The following IL1RAPL1 variants were observed in gnomAD, a reference collection of about 807,000 sequenced individuals.
IL1RAPL1 encodes interleukin-1 receptor accessory protein-like 1.
A neutral mutation model predicts 48.4 loss-of-function variants in IL1RAPL1; 3 were observed. That is an observed-to-expected ratio of 0.06 (90% confidence interval 0.03 to 0.16). IL1RAPL1 has a LOEUF of 0.16. Among genes scored for constraint, IL1RAPL1 ranks in the 10% least tolerant of loss-of-function variants. The pLI is 1.00. For synonymous variants in IL1RAPL1, 185 were observed against 187.7 expected, an observed-to-expected ratio of 0.99 and a Z score of 0.12; for missense variants, 349 against 530.6, an observed-to-expected ratio of 0.66 and a Z score of 3.36.
At chrX:29,006,403 A>G (rs1925978332) in intron 2 of IL1RAPL1, among the ~76,000 whole-genome samples, 1 of 109,153 alleles carries the variant, frequency 9.2e-6, no homozygotes, top group Admixed American at 9.9e-5. Context: ...AATCCCAGCT[A>G]CTTGGGAGGC....
At chrX:28,830,260 G>T (rs1308735847) in intron 2 of IL1RAPL1, among the ~76,000 whole-genome samples, 1 of 111,579 alleles carries the variant, frequency 9.0e-6, no homozygotes, top group African/African-American at 3.3e-5. Flanking sequence ...GTGAGGTGTG[G>T]GAGGTTTAAA....
intron 6 of IL1RAPL1, among the ~76,000 whole-genome samples, chrX:29,704,919 A>T (rs1390493976): frequency 1.8e-5 from 2 of 110,381 alleles, no homozygotes; most frequent in Non-Finnish European, 3.8e-5. Flanking sequence ...AATTTTTTTA[A>T]TTTTTTTATT....
intron 6 of IL1RAPL1, among the ~76,000 whole-genome samples, chrX:29,843,027 C>G (rs922965368): frequency 1.8e-5 from 2 of 112,246 alleles, no homozygotes; most frequent in Non-Finnish European, 3.8e-5. Flanking sequence ...ATAAATATTT[C>G]ACTACAGATT....
chrX:29,710,687 T>C (rs1927318597), intron 6 of IL1RAPL1, among the ~76,000 whole-genome samples: 1 of 106,786 alleles, frequency 9.4e-6, no homozygotes, highest in African/African-American at 3.4e-5. Context: ...TCCCTTATTT[T>C]TGTGACATTT....
intron 3 of IL1RAPL1, among the ~76,000 whole-genome samples, chrX:29,355,381 T>C (rs1015801332): frequency 8.9e-6 from 1 of 112,117 alleles, no homozygotes; most frequent in African/African-American, 3.2e-5. Context: ...ACAAGTAGAC[T>C]ATATAACTAC....
At chrX:28,940,521 C>T (rs927566999) in intron 2 of IL1RAPL1, among the ~76,000 whole-genome samples, 1 of 110,725 alleles carries the variant, frequency 9.0e-6, no homozygotes, top group African/African-American at 3.3e-5. Context: ...ATAAAATTTC[C>T]AGCACCTTGC....
intron 6 of IL1RAPL1, among the ~76,000 whole-genome samples, chrX:29,798,818 T>C (rs147553236): frequency 2.3e-4 from 26 of 112,321 alleles, no homozygotes; most frequent in African/African-American, 7.8e-4. Flanking sequence ...TTCCTTAGAA[T>C]GCAGTTATGT....
chrX:28,723,234 T>C (rs1013854206), intron 1 of IL1RAPL1, among the ~76,000 whole-genome samples: 12 of 111,099 alleles, frequency 1.1e-4, no homozygotes, highest in Non-Finnish European at 1.9e-4. Flanking sequence ...GGACTTTTTT[T>C]GATTGGTAGG....
At chrX:29,467,392 T>C (rs912942626) in intron 5 of IL1RAPL1, among the ~76,000 whole-genome samples, 15 of 112,631 alleles carry the variant, frequency 1.3e-4, no homozygotes, top group Non-Finnish European at 2.8e-4. Context: ...AGAAAAATGG[T>C]TGACTGCATG....
At chrX:29,332,881 T>C (rs867020762) in intron 3 of IL1RAPL1, among the ~76,000 whole-genome samples, 2,981 of 100,276 alleles carry the variant, frequency 0.03, no homozygotes, top group Non-Finnish European at 0.043. Flanking sequence ...AGCATCTGTT[T>C]AACAAAGCAC....
At chrX:29,129,429 C>A (rs1048405688) in intron 2 of IL1RAPL1, among the ~76,000 whole-genome samples, 1 of 110,489 alleles carries the variant, frequency 9.1e-6, no homozygotes, top group East Asian at 2.8e-4. Context: ...CTTAAACTCA[C>A]AATTTTTTGT....
At chrX:28,659,216 T>A in intron 1 of IL1RAPL1, 1 of 754,254 alleles carries the variant, frequency 1.3e-6, no homozygotes, top group Non-Finnish European at 2.0e-6. Flanking sequence ...AGCTGCACTC[T>A]GGAAGCGCAG....
intron 1 of IL1RAPL1, among the ~76,000 whole-genome samples, chrX:28,661,181 A>G (rs1206047606): frequency 1.8e-5 from 2 of 112,111 alleles, no homozygotes; most frequent in Admixed American, 1.9e-4. Flanking sequence ...AAAATTTAAA[A>G]TACCAGCATT....
chrX:29,628,026 C>A (rs1013888628), intron 5 of IL1RAPL1, among the ~76,000 whole-genome samples: 1 of 112,300 alleles, frequency 8.9e-6, no homozygotes, highest in African/African-American at 3.2e-5. Context: ...CATGGCAATG[C>A]TTATCTGTTA....
At chrX:29,406,032 G>C (rs986394407) in intron 5 of IL1RAPL1, among the ~76,000 whole-genome samples, 1 of 111,708 alleles carries the variant, frequency 9.0e-6, no homozygotes, top group African/African-American at 3.3e-5. Flanking sequence ...CTGGTGTCCA[G>C]TGTACTGATG....
At chrX:28,622,434 G>A (rs1320911623) in intron 1 of IL1RAPL1, among the ~76,000 whole-genome samples, 1 of 111,553 alleles carries the variant, frequency 9.0e-6, no homozygotes, top group Non-Finnish European at 1.9e-5. Context: ...GGTTTTATTA[G>A]TGAATTGTTT....
At chrX:29,214,147 G>A (rs959393977) in intron 2 of IL1RAPL1, among the ~76,000 whole-genome samples, 1 of 111,191 alleles carries the variant, frequency 9.0e-6, no homozygotes, top group Non-Finnish European at 1.9e-5. Context: ...TCAACCAAGC[G>A]CACATGTGTA....
At chrX:29,474,923 T>C (rs998356803) in intron 5 of IL1RAPL1, among the ~76,000 whole-genome samples, 1 of 111,130 alleles carries the variant, frequency 9.0e-6, no homozygotes, top group African/African-American at 3.3e-5. Context: ...TACATAGAAT[T>C]AACAGGACTA....
chrX:28,851,178 G>A (rs889033103), intron 2 of IL1RAPL1, among the ~76,000 whole-genome samples: 1 of 108,286 alleles, frequency 9.2e-6, no homozygotes, highest in Non-Finnish European at 1.9e-5. Flanking sequence ...AATGAGTGGT[G>A]CTTTGTTTTG....
Sources: allele counts gnomAD v4.1 joint callset (sites outside exome capture counted in the v4.1 genomes callset), GRCh38; gene constraint gnomAD v4.1.1; transcripts MANE v1.5; gene names NCBI Gene and HGNC (gene_info 2026-07-23, HGNC 2026-07-21).